RNPEP: variants seen among roughly 807,000 people sequenced by gnomAD.
RNPEP encodes the protein aminopeptidase B.
Under a neutral mutation model 70.1 loss-of-function variants are expected in RNPEP, and 57 were observed. The ratio of observed to expected loss-of-function variants is 0.81; its 90% CI spans 0.66 to 1.01. The LOEUF is 1.01. Ranked by LOEUF, RNPEP falls within the 50% of genes least tolerant of loss-of-function variation. RNPEP has a pLI of 0.00. For missense variants in RNPEP, 787 were observed against 852.4 expected (o/e 0.92, Z 0.96); for synonymous variants, 335 against 357.4 (o/e 0.94, Z 0.71).
In RNPEP at chr1:201,982,700, G is replaced by GCGGCC. The variant is rs1682978166; in HGVS notation, c.39_43dup (p.Arg15ProfsTer47). 7.2e-7 allele frequency: 1 copy of GCGGCC among 1,395,654 alleles called. No homozygotes were observed. The allele number at this position is 1,395,654 out of a possible 1,614,324, so 86.5% of individuals were successfully genotyped here. A position where few individuals can be genotyped will look rare whatever the true frequency, so the allele number is the denominator to read the frequency against. ...CGGCGAGCATTCCCCCGGCAGCGGC[G>GCGGCC]CGGCCCGGCGGCCGCTGCACTCCGC... On this transcript the variant is annotated frameshift_variant, in exon 1 of 11. Transcript: ENST00000295640. LOFTEE classifies it high-confidence loss of function.
intron 1 of RNPEP, among the ~76,000 whole-genome samples, chr1:201,984,233 C>T (rs910203397): frequency 2.6e-5 from 4 of 152,120 alleles, no homozygotes; most frequent in African/African-American, 9.6e-5. Context: ...GCGCCCGGCC[C>T]ACAGCTTGGT....
intron 3 of RNPEP, among the ~76,000 whole-genome samples, chr1:201,990,997 C>A (rs6691193): frequency 0.14 from 21,940 of 152,158 alleles, 1,692 homozygotes; most frequent in Admixed American, 0.2. Context: ...AAAATGACAA[C>A]ATGGTATATC....
chr1:201,990,590 T>A (rs763906140), intron 3 of RNPEP, among the ~76,000 whole-genome samples: 4 of 152,184 alleles, frequency 2.6e-5, no homozygotes, highest in Non-Finnish European at 5.9e-5. Context: ...GGCAGTGGTG[T>A]CCTTGACAAC....
Position 201,988,924 on chromosome 1 carries a change from G to C in RNPEP, c.468G>C (p.Glu156Asp). Residue 156 changes from glutamate (E) to aspartate (D), a missense_variant, in exon 2 of 11, where the codon GAG becomes GAC. Glu to Asp is a conservative substitution (Grantham distance 45, BLOSUM62 2). Transcript: ENST00000295640. ...EGPGVCWLAP[E>D]QTAGKKKPFV... Reference sequence around the variant, plus strand: ...CTTAGGTTTGCTGGTTGGCTCCCGAGCAGACAGCAGGAAAGAAGAAGCCCT... The same window carrying C: ...CTTAGGTTTGCTGGTTGGCTCCCGACCAGACAGCAGGAAAGAAGAAGCCCT... 6.2e-7 allele frequency: 1 copy of C among 1,612,388 alleles called. No homozygotes were observed. Among genetic ancestry groups the C allele is most frequent in the Non-Finnish European group, 8.5e-7 (1 of 1,179,218 alleles).
chr1:201,982,852 C>G lies in RNPEP; in HGVS notation c.186C>G (p.Thr62=), dbSNP rs1269946185. Residue 62 remains threonine (T), a synonymous_variant, in exon 1 of 11, where the codon ACC becomes ACG. Coordinates refer to ENST00000295640, the MANE Select transcript of RNPEP (RefSeq NM_020216.4). ...PGAGSRGLSG[T]AVLDLRCLEP... ...CAGGGAGCCGGGGGCTGAGCGGCACCGCGGTCCTGGACCTGCGCTGCCTGG... is the reference window on the plus strand; with the variant it reads ...CAGGGAGCCGGGGGCTGAGCGGCACGGCGGTCCTGGACCTGCGCTGCCTGG... The G allele has an allele frequency of 5.1e-6, 7 of 1,359,678 alleles. No individual in the cohort carries two copies. Among genetic ancestry groups the G allele is most frequent in the Non-Finnish European group, 6.6e-6 (7 of 1,059,262 alleles). The allele number at this position is 1,359,678 out of a possible 1,614,324, so 84.2% of individuals were successfully genotyped here. A position where few individuals can be genotyped will look rare whatever the true frequency, so the allele number is the denominator to read the frequency against.
intron 3 of RNPEP, among the ~76,000 whole-genome samples, chr1:201,991,141 G>A (rs6691498): frequency 0.27 from 40,834 of 151,886 alleles, 5,625 homozygotes; most frequent in South Asian, 0.4. Context: ...TTGAGATGGC[G>A]TCTTGCTCTG....
At chr1:201,996,359 G>A (rs1683551151) in intron 4 of RNPEP, 96 bp downstream of exon 4, 5 of 863,870 alleles carry the variant, frequency 5.8e-6, no homozygotes, top group Non-Finnish European at 9.7e-6. Flanking sequence ...CTGCCTCCCA[G>A]AGCAAAGTTT....
chr1:202,001,811 G>A (rs1338140097), intron 8 of RNPEP, 44 bp downstream of exon 8: 1 of 1,196,092 alleles, frequency 8.4e-7, no homozygotes, highest in Non-Finnish European at 1.2e-6. Context: ...AAATAGTAGA[G>A]AATGAGATCT....
At chr1:201,984,974 C>T (rs756368084) in intron 1 of RNPEP, among the ~76,000 whole-genome samples, 4 of 151,480 alleles carry the variant, frequency 2.6e-5, no homozygotes, top group Non-Finnish European at 5.9e-5. Flanking sequence ...TGGCAGATCA[C>T]CTGAGGTCAG....
At chr1:202,005,501 G>A in intron 10 of RNPEP, 57 bp from the exon 11 acceptor site, 1 of 1,597,278 alleles carries the variant, frequency 6.3e-7, no homozygotes, top group Non-Finnish European at 8.6e-7. Flanking sequence ...GGGGCAGCAG[G>A]GCTGGACAGA....
At chr1:201,988,810 C>T in intron 1 of RNPEP, 94 bp from the exon 2 acceptor site, 1 of 1,447,324 alleles carries the variant, frequency 6.9e-7, no homozygotes, top group Non-Finnish European at 9.3e-7. Context: ...TTAAGGATTA[C>T]CTAAAATTCT....
intron 3 of RNPEP, among the ~76,000 whole-genome samples, chr1:201,994,985 C>T (rs1218387192): frequency 6.6e-6 from 1 of 152,022 alleles, no homozygotes; most frequent in African/African-American, 2.4e-5. Context: ...CAGCCAGTCT[C>T]ATTCATATGT....
chr1:201,994,731 A>T (rs1683480526), intron 3 of RNPEP, among the ~76,000 whole-genome samples: 1 of 150,200 alleles, frequency 6.7e-6, no homozygotes, highest in African/African-American at 2.5e-5. Context: ...CGATGGTGCA[A>T]TCTTGGCTCC....
chr1:201,999,921 G>A lies in RNPEP; in HGVS notation c.1110G>A (p.Leu370=), dbSNP rs748027987. 4.3e-6 allele frequency: 7 copies of A among 1,613,736 alleles called. No homozygotes were observed. The South Asian group carries it at 7.7e-5, about 18-fold the overall frequency. ...CACCAGGCGCTGCGTACACCTGCTTGGAGGCTGCAACGGGGCGGGCTCTGC... is the reference window on the plus strand; with the variant it reads ...CACCAGGCGCTGCGTACACCTGCTTAGAGGCTGCAACGGGGCGGGCTCTGC... ...TILFGAAYTC[L]EAATGRALLR... is the part of the protein sequence containing the mutation. The change falls in exon 6 of 11, where the codon TTG becomes TTA. Residue 370 remains leucine (L), a synonymous_variant. Transcript: ENST00000295640.
Position 202,001,767 on chromosome 1 carries a change from G to A in RNPEP, c.1426G>A (p.Gly476Ser). ...GAAAAAGAGAGTGGATATCATTCCA[G>A]GTAAGCAGAGGAACTGGCCCACAGG... is the stretch of plus-strand genomic sequence containing the variant. ...LKKKRVDIIPGFEFDRWLNTP... is the reference protein window; with the variant it reads ...LKKKRVDIIPSFEFDRWLNTP... Residue 476 changes from glycine to serine, a missense_variant and splice_region_variant, in exon 8 of 11, where the codon GGT becomes AGT. Gly to Ser is a moderately conservative substitution (Grantham distance 56). Transcript: ENST00000295640. 6.5e-7 allele frequency: 1 copy of A among 1,540,146 alleles called. No individual in the cohort carries two copies. Among genetic ancestry groups the A allele is most frequent in the Non-Finnish European group, 9.0e-7 (1 of 1,112,678 alleles).
chr1:201,997,708 A>T (rs1683612818), intron 5 of RNPEP, among the ~76,000 whole-genome samples, 154 bp downstream of exon 5: 1 of 152,036 alleles, frequency 6.6e-6, no homozygotes, highest in Non-Finnish European at 1.5e-5. Flanking sequence ...TGAATTGTCA[A>T]ACCACACATG....
rs760034088 is a variant in RNPEP at position 201,997,409 on chromosome 1, G to T, written c.945G>T (p.Gly315=). 1 of 1,614,094 alleles carries T rather than the reference G, an allele frequency of 6.2e-7. No individual in the cohort carries two copies. Among genetic ancestry groups the T allele is most frequent in the Non-Finnish European group, 8.5e-7 (1 of 1,180,018 alleles). ...LTFVTPCLLA[G]DRSLADVIIH... is the part of the protein sequence containing the mutation. Reference sequence around the variant, plus strand: ...TTGTCACCCCCTGCCTGCTAGCTGGGGACCGCTCCTTGGCAGATGTCATCA... The same window carrying T: ...TTGTCACCCCCTGCCTGCTAGCTGGTGACCGCTCCTTGGCAGATGTCATCA... Residue 315 remains glycine (G), a synonymous_variant, in exon 5 of 11, where the codon GGG becomes GGT. Coordinates refer to ENST00000295640, the MANE Select transcript of RNPEP (RefSeq NM_020216.4).
At chr1:201,984,841 T>C (rs1338474879) in intron 1 of RNPEP, among the ~76,000 whole-genome samples, 1,662 of 138,606 alleles carry the variant, frequency 0.012, 99 homozygotes, top group Non-Finnish European at 0.02. Context: ...TTTTTTTTTT[T>C]TTTTTTTTTT....
chr1:201,999,931 A>G lies in RNPEP; in HGVS notation c.1120A>G (p.Thr374Ala), dbSNP rs777404243. ...GAAYTCLEAA[T>A]GRALLRQHMD... ...TGCGTACACCTGCTTGGAGGCTGCA[A>G]CGGGGCGGGCTCTGCTGCGTCAGCA... The change falls in exon 6 of 11, where the codon ACG (threonine) becomes GCG (alanine). Residue 374 changes from threonine to alanine, a missense_variant. Physicochemically the swap from Thr to Ala is moderately conservative, Grantham distance 58. Coordinates refer to ENST00000295640, the MANE Select transcript of RNPEP (RefSeq NM_020216.4). 3.7e-6 allele frequency: 6 copies of G among 1,613,844 alleles called. No individual in the cohort carries two copies. In the South Asian group the frequency reaches 5.5e-5, roughly 15 times the overall value.
Sources: allele counts gnomAD v4.1 joint callset (sites outside exome capture counted in the v4.1 genomes callset), GRCh38; gene constraint gnomAD v4.1.1; transcripts MANE v1.5; gene names NCBI Gene and HGNC (gene_info 2026-07-23, HGNC 2026-07-21).